The following UTP4 variants were observed in gnomAD, a reference collection of about 807,000 sequenced individuals.
The protein encoded by UTP4 is U3 small nucleolar RNA-associated protein 4 homolog.
Under a neutral mutation model 82.4 loss-of-function variants are expected in UTP4, and 45 were observed. That is an observed-to-expected ratio of 0.55 (90% CI 0.43 to 0.70). The LOEUF is 0.70. Among genes scored for constraint, UTP4 ranks in the 30% least tolerant of loss-of-function variants. The probability of loss-of-function intolerance (pLI) is 0.00; values close to 1 mark genes in which losing one functional copy is unlikely to be tolerated. For synonymous variants in UTP4, 348 were observed against 300.3 expected, an observed-to-expected ratio of 1.16 and a Z score of -1.64; for missense variants, 819 against 858.3, an observed-to-expected ratio of 0.95 and a Z score of 0.57.
At chr16:69,142,222 C>G (rs1206815863) in intron 5 of UTP4, 1 of 152,172 alleles carries the variant, frequency 6.6e-6, no homozygotes, top group Non-Finnish European at 1.5e-5. Flanking sequence ...TTTGGGGTAG[C>G]CCTGAAGCCA....
Position 69,146,072 on chromosome 16 carries a change from G to A in UTP4, c.738+2683G>A, listed in dbSNP as rs59416151. Among the ~76,000 whole-genome samples the A allele has an allele frequency of 3.3e-5, 5 of 149,328 alleles. No homozygotes were observed. The East Asian group carries it at 9.8e-4, about 29-fold the overall frequency. ...GCCGAGATTGTGCCGTTGTGCTCCAGCCTGGGCAACAGAGACTCTGTCTCA... is the reference window on the plus strand; with the variant it reads ...GCCGAGATTGTGCCGTTGTGCTCCAACCTGGGCAACAGAGACTCTGTCTCA... On this transcript the variant is annotated intron_variant, in intron 6 of 16. Coordinates refer to ENST00000314423, the MANE Select transcript of UTP4 (RefSeq NM_032830.3).
intron 6 of UTP4, among the ~76,000 whole-genome samples, chr16:69,146,718 C>G (rs567186598): frequency 6.6e-6 from 1 of 151,740 alleles, no homozygotes; most frequent in Non-Finnish European, 1.5e-5. Context: ...AAAATTAAGC[C>G]GGGCGCGGTG....
At chr16:69,134,066 A>G (rs962746910) in intron 2 of UTP4, among the ~76,000 whole-genome samples, 22 of 152,180 alleles carry the variant, frequency 1.4e-4, no homozygotes, top group African/African-American at 5.3e-4. Context: ...TGTCTGAGAG[A>G]ATGTAGACCT....
rs1053159185 is a variant in UTP4 at position 69,137,019 on chromosome 16, TAGTGA to T, written c.351+135_351+139del. The T allele has an allele frequency of 3.0e-5, 24 of 802,640 alleles. No homozygotes were observed. The African/African-American group carries it at 4.1e-4, about 14-fold the overall frequency. The allele number at this position is 802,640 out of a possible 1,614,324, so 49.7% of individuals were successfully genotyped here. ...ACCCCAACTATAAGATTGGAATTGATAGTGAAGATTTTAAAAATCCCCAGCATTCT... is the reference window on the plus strand; with the variant it reads ...ACCCCAACTATAAGATTGGAATTGATAGATTTTAAAAATCCCCAGCATTCT... On this transcript the variant is annotated intron_variant, in intron 3 of 16. Transcript: ENST00000314423.
At chr16:69,135,400 A>C (rs1962785135) in intron 2 of UTP4, among the ~76,000 whole-genome samples, 1 of 152,108 alleles carries the variant, frequency 6.6e-6, no homozygotes, top group South Asian at 2.1e-4. Context: ...CTCTCAGAGC[A>C]AGAAAAAATT....
At chr16:69,157,788 G>C (rs1375148080) in intron 12 of UTP4, among the ~76,000 whole-genome samples, 1 of 151,226 alleles carries the variant, frequency 6.6e-6, no homozygotes, top group Non-Finnish European at 1.5e-5. Context: ...GTAGAGACGG[G>C]GTCTCATTAT....
chr16:69,132,825 C>T (rs1448410884), intron 1 of UTP4, 136 bp downstream of exon 1: 1 of 215,810 alleles, frequency 4.6e-6, no homozygotes, highest in East Asian at 1.8e-4. Flanking sequence ...GGGGGCTACT[C>T]TGTAGACTCG....
At chr16:69,151,009 CT>C (rs764679119) in intron 8 of UTP4, 105 bp downstream of exon 8, 118,945 of 581,600 alleles carry the variant, frequency 0.2, no homozygotes, top group South Asian at 0.28. Flanking sequence ...ATTTGTAGGA[CT>C]TTTTTTTTTT....
intron 6 of UTP4, among the ~76,000 whole-genome samples, chr16:69,145,957 G>A (rs1293632094): frequency 6.6e-6 from 1 of 152,042 alleles, no homozygotes; most frequent in Admixed American, 6.6e-5. Flanking sequence ...AGTATGAAAT[G>A]GAAATAAGTC....
chr16:69,163,924 C>T (rs1318745662), intron 14 of UTP4, among the ~76,000 whole-genome samples: 11 of 136,834 alleles, frequency 8.0e-5, no homozygotes, highest in African/African-American at 1.1e-4. Flanking sequence ...CTCGCTCTGT[C>T]GCCCAGGCTG....
Position 69,150,528 on chromosome 16 carries a change from A to ATTCC in UTP4, c.739-7_739-4dup, listed in dbSNP as rs1483978369. ...TTACGTGTACCTCCCTCATGATTTA[A>ATTCC]TTCCTCAGCAAGAAGACAGTTTCGT... On this transcript the variant is annotated splice_polypyrimidine_tract_variant and intron_variant, in intron 6 of 16. Coordinates refer to ENST00000314423, the MANE Select transcript of UTP4 (RefSeq NM_032830.3). 1 of 1,614,156 alleles carries ATTCC rather than the reference A, an allele frequency of 6.2e-7. No individual in the cohort carries two copies.
At chr16:69,133,707 TTGAG>T (rs1313161406) in intron 2 of UTP4, 89 bp downstream of exon 2, 9 of 1,355,134 alleles carry the variant, frequency 6.6e-6, no homozygotes, top group South Asian at 1.2e-5. Context: ...ATCAAACTGA[TTGAG>T]TGACTTCCTA....
chr16:69,133,658 A>G, intron 2 of UTP4, 40 bp downstream of exon 2: 1 of 1,599,908 alleles, frequency 6.3e-7, no homozygotes, highest in Middle Eastern at 1.7e-4. Context: ...TTTGATGTTA[A>G]TTTCTTCTGA....
chr16:69,145,618 T>C (rs114235917), intron 6 of UTP4, among the ~76,000 whole-genome samples: 2,718 of 148,960 alleles, frequency 0.018, 84 homozygotes, highest in African/African-American at 0.064. Context: ...GGTGGGGGAG[T>C]GTTTGAGTTC....
intron 8 of UTP4, 34 bp from the exon 9 acceptor site, chr16:69,153,550 C>G (rs775029545): frequency 6.5e-7 from 1 of 1,530,262 alleles, no homozygotes; most frequent in South Asian, 1.1e-5. Context: ...ATGACCCTGA[C>G]TTATTTTTTT....
At chr16:69,163,380 A>G (rs1218501003) in intron 14 of UTP4, among the ~76,000 whole-genome samples, 1 of 152,152 alleles carries the variant, frequency 6.6e-6, no homozygotes, top group Non-Finnish European at 1.5e-5. Context: ...GATGCAATTT[A>G]AATGGAGAAG....
At chr16:69,149,885 C>T (rs1401287729) in intron 6 of UTP4, among the ~76,000 whole-genome samples, 6 of 152,162 alleles carry the variant, frequency 3.9e-5, no homozygotes, top group Admixed American at 2.0e-4. Flanking sequence ...TGCGCCACCA[C>T]GCCCAGCTAA....
At chr16:69,157,778 G>T (rs1033053134) in intron 12 of UTP4, among the ~76,000 whole-genome samples, 4 of 151,232 alleles carry the variant, frequency 2.6e-5, no homozygotes, top group Admixed American at 6.6e-5. Context: ...CATTTTTTTT[G>T]TAGAGACGGG....
chr16:69,150,983 A>T, intron 8 of UTP4, 79 bp downstream of exon 8: 1 of 1,135,192 alleles, frequency 8.8e-7, no homozygotes, highest in Non-Finnish European at 1.3e-6. Context: ...CTCTGAACAC[A>T]GCTCACGCTC....
Sources: allele counts gnomAD v4.1 joint callset (sites outside exome capture counted in the v4.1 genomes callset), GRCh38; gene constraint gnomAD v4.1.1; transcripts MANE v1.5; gene names NCBI Gene and HGNC (gene_info 2026-07-23, HGNC 2026-07-21).